MTOR: variants seen among roughly 807,000 people sequenced by gnomAD.
The protein encoded by MTOR is serine/threonine-protein kinase mTOR.
In MTOR, 70 loss-of-function variants were observed where a neutral mutation model predicts 319.8. The ratio of observed to expected loss-of-function variants is 0.22; its 90% confidence interval spans 0.18 to 0.27. MTOR has a LOEUF of 0.27. Ranked by LOEUF, MTOR falls within the 10% of genes least tolerant of loss-of-function variation. The pLI is 1.00. For synonymous variants in MTOR, 1,183 were observed against 1,211.4 expected, an observed-to-expected ratio of 0.98 and a Z score of 0.49; for missense variants, 1,890 against 3,274.4, an observed-to-expected ratio of 0.58 and a Z score of 10.32.
intron 28 of MTOR, among the ~76,000 whole-genome samples, chr1:11,188,792 A>G (rs190208098): frequency 6.6e-6 from 1 of 152,330 alleles, no homozygotes; most frequent in African/African-American, 2.4e-5. Flanking sequence ...AACTTTTCTA[A>G]GTTGGAAGAT....
chr1:11,246,308 G>T (rs748309996), intron 8 of MTOR, among the ~76,000 whole-genome samples: 1 of 152,192 alleles, frequency 6.6e-6, no homozygotes, highest in African/African-American at 2.4e-5. Flanking sequence ...TAATGTGCCA[G>T]ACTTTGATCA....
intron 47 of MTOR, among the ~76,000 whole-genome samples, chr1:11,123,044 C>T (rs1195805539): frequency 6.6e-6 from 1 of 152,020 alleles, no homozygotes; most frequent in African/African-American, 2.4e-5. Flanking sequence ...TGCCAGAATA[C>T]GGACGATGGG....
rs895488379 is a variant in MTOR, at chr1:11,109,901, C to A, written c.7367-172G>T. ...TCTTTATGTATTTCAAAGTTTTAAG[C>A]TGGACATAGCTGTAATCTCAGCTAC... On this transcript the variant is annotated intron_variant, in intron 54 of 57. Coordinates refer to ENST00000361445, the MANE Select transcript of MTOR (RefSeq NM_004958.4). The surrounding 1 kb of genome is among the most constrained non-coding windows in gnomAD (Gnocchi z 4.0). 6.6e-6 allele frequency among the ~76,000 whole-genome samples: 1 copy of A among 151,342 alleles called. No individual in the cohort carries two copies. The highest frequency in any genetic ancestry group is 6.6e-5 in the Admixed American group (1 of 15,122).
intron 4 of MTOR, 135 bp downstream of exon 4, chr1:11,256,797 AC>A: frequency 1.3e-6 from 1 of 789,426 alleles, no homozygotes; most frequent in Non-Finnish European, 2.1e-6. Context: ...GACGGACTCT[AC>A]CCCATCTCAC....
intron 28 of MTOR, among the ~76,000 whole-genome samples, chr1:11,192,852 C>T (rs1303880275): frequency 1.3e-5 from 2 of 151,878 alleles, no homozygotes; most frequent in Non-Finnish European, 2.9e-5. Flanking sequence ...CAAACCCAGG[C>T]ATCTGTTTGG....
At chr1:11,236,075 A>G (rs1226684638) in intron 13 of MTOR, among the ~76,000 whole-genome samples, 4 of 152,014 alleles carry the variant, frequency 2.6e-5, no homozygotes, top group Non-Finnish European at 5.9e-5. Context: ...CATGTGGTCA[A>G]AAAGTCTGCT....
rs775716924 is a variant in MTOR, at chr1:11,212,940, T to C, written c.3286-32A>G. 9.7e-6 allele frequency: 15 copies of C among 1,551,008 alleles called. No homozygotes were observed. Among genetic ancestry groups the C allele is most frequent in the Non-Finnish European group, 1.3e-5 (15 of 1,122,958 alleles). ...AAGGGAGCAAAAGCATGGTGATGAATAGTCAGGTCCCAAGTATCTAAGGAC... is the reference window on the plus strand; with the variant it reads ...AAGGGAGCAAAAGCATGGTGATGAACAGTCAGGTCCCAAGTATCTAAGGAC... On this transcript the variant is annotated intron_variant, in intron 21 of 57. Transcript: ENST00000361445. This position sits in a 1 kb window ranked among gnomAD's most constrained non-coding sequence, Gnocchi z 4.1.
intron 15 of MTOR, 166 bp downstream of exon 15, chr1:11,233,232 A>T (rs1035834382): frequency 1.2e-6 from 1 of 815,846 alleles, no homozygotes. Context: ...TTTTATTGAG[A>T]ATATATTATT....
chr1:11,108,573 T>A (rs1273693360), intron 56 of MTOR, among the ~76,000 whole-genome samples: 1 of 150,108 alleles, frequency 6.7e-6, no homozygotes, highest in Non-Finnish European at 1.5e-5. Context: ...ATTAGCCGAG[T>A]GTGGTGGCAC....
At position 11,248,104 on chromosome 1, in the gene MTOR, TGAG is replaced by T. The variant is rs528498609; in HGVS notation, c.841-13_841-11del. The T allele has an allele frequency of 3.1e-4, 491 of 1,569,028 alleles. No homozygotes were observed. In the African/African-American group the frequency reaches 6.0e-3, roughly 19 times the overall value. On this transcript the variant is annotated splice_polypyrimidine_tract_variant and intron_variant, in intron 6 of 57. Transcript: ENST00000361445. ...TTTCTTCTCTCAGACGCTATATATA[TGAG>T]GAGGAAAAAAATCATCTTTACTTAT...
chr1:11,237,785 T>C (rs1223993734), intron 13 of MTOR, 58 bp downstream of exon 13: 1 of 1,589,370 alleles, frequency 6.3e-7, no homozygotes. Context: ...CCTCAAGCAG[T>C]TCTCACAGCG....
intron 3 of MTOR, among the ~76,000 whole-genome samples, chr1:11,257,680 A>G (rs561591812): frequency 1.3e-5 from 2 of 152,202 alleles, no homozygotes; most frequent in South Asian, 4.1e-4. Context: ...GATATTTAAT[A>G]CTTGTGCCAG....
intron 28 of MTOR, chr1:11,194,978 C>G: frequency 6.2e-7 from 1 of 1,614,082 alleles, no homozygotes; most frequent in Non-Finnish European, 8.5e-7. Context: ...CCTACTCCCT[C>G]AAACGGGTGG....
At chr1:11,246,466 G>A (rs1359921742) in intron 8 of MTOR, among the ~76,000 whole-genome samples, 6 of 152,162 alleles carry the variant, frequency 3.9e-5, no homozygotes, top group African/African-American at 7.2e-5. Flanking sequence ...AACAAAATAC[G>A]GGTGATTTTC....
Position 11,106,641 on chromosome 1 carries a change from G to C in MTOR, c.*844C>G. Reference sequence around the variant, plus strand: ...ACTTTGTGCATTTAGTTGAGTATTTGTTCTGCTCATAATTTCCAATATGTA... The same window carrying C: ...ACTTTGTGCATTTAGTTGAGTATTTCTTCTGCTCATAATTTCCAATATGTA... On this transcript the variant is annotated 3_prime_UTR_variant, in exon 58 of 58. Coordinates refer to ENST00000361445, the MANE Select transcript of MTOR (RefSeq NM_004958.4). 1 of 1,101,408 alleles carries C rather than the reference G, an allele frequency of 9.1e-7. No individual in the cohort carries two copies. The highest frequency in any genetic ancestry group is 1.1e-6 in the Non-Finnish European group (1 of 900,046). 68.2% of individuals were successfully genotyped at this position (1,101,408 alleles called of 1,614,324 possible).
intron 19 of MTOR, among the ~76,000 whole-genome samples, chr1:11,221,895 CTTT>C (rs1646674633): frequency 2.0e-5 from 3 of 150,360 alleles, no homozygotes; most frequent in South Asian, 2.1e-4. Context: ...TGACAGTCTT[CTTT>C]GAGTGACTGT....
chr1:11,154,068 C>CAAAAAAAAAAAAAAAAAAAAA (rs70977548), intron 30 of MTOR, among the ~76,000 whole-genome samples: 1 of 13,054 alleles, frequency 7.7e-5, no homozygotes, highest in Non-Finnish European at 1.4e-4. Flanking sequence ...GACTCTGTCT[C>CAAAAAAAAAAAAAAAAAAAAA]AAAAAAAAAA....
intron 45 of MTOR, 67 bp from the exon 46 acceptor site, chr1:11,126,863 T>A: frequency 6.3e-7 from 1 of 1,584,872 alleles, no homozygotes; most frequent in Non-Finnish European, 8.6e-7. Flanking sequence ...AATTTAAGTA[T>A]TTTTCAGTGG....
At position 11,133,052 on chromosome 1, in the gene MTOR, G is replaced by A; in HGVS notation, c.5364+28C>T. The A allele has an allele frequency of 6.3e-7, 1 of 1,594,676 alleles. No homozygotes were observed. The highest frequency in any genetic ancestry group is 8.6e-7 in the Non-Finnish European group (1 of 1,163,058). ...GGACACGAGCCAGCCAGGGTGCTGG[G>A]TCTCACAGGTGGCCTGCTTCTGATC... On this transcript the variant is annotated intron_variant, in intron 38 of 57. Coordinates refer to ENST00000361445, the MANE Select transcript of MTOR (RefSeq NM_004958.4). This position sits in a 1 kb window ranked among gnomAD's most constrained non-coding sequence, Gnocchi z 4.0.
Sources: allele counts gnomAD v4.1 joint callset (sites outside exome capture counted in the v4.1 genomes callset), GRCh38; gene constraint gnomAD v4.1.1; non-coding constraint Gnocchi (gnomAD v3.1); transcripts MANE v1.5; gene names NCBI Gene and HGNC (gene_info 2026-07-23, HGNC 2026-07-21).